CDCA2: variants seen among roughly 807,000 people sequenced by gnomAD.
CDCA2 encodes cell division cycle-associated protein 2.
In CDCA2, 44 loss-of-function variants were observed where a neutral mutation model predicts 67.0. That is an observed-to-expected ratio of 0.66 (90% CI 0.52 to 0.84). The LOEUF is 0.84. Ranked by LOEUF, CDCA2 falls within the 40% of genes least tolerant of loss-of-function variation. The probability of loss-of-function intolerance (pLI) is 0.00; values close to 1 mark genes in which losing one functional copy is unlikely to be tolerated. For synonymous variants in CDCA2, 447 were observed against 418.7 expected (o/e 1.07, Z -0.82); for missense variants, 1,253 against 1,203.2 (o/e 1.04, Z -0.61).
chr8:25,465,008 C>T (rs1253552491), intron 4 of CDCA2, among the ~76,000 whole-genome samples: 1 of 152,142 alleles, frequency 6.6e-6, no homozygotes, highest in Non-Finnish European at 1.5e-5. Flanking sequence ...AAGCCTTGCT[C>T]TGTTACGCAG....
At chr8:25,488,834 T>G in intron 13 of CDCA2, 145 bp downstream of exon 13, 21 of 567,522 alleles carry the variant, frequency 3.7e-5, no homozygotes, top group East Asian at 9.2e-5. Context: ...TAGAATGGGG[T>G]GGGGGGGTTA....
At chr8:25,490,843 C>T (rs1803973815) in intron 13 of CDCA2, among the ~76,000 whole-genome samples, 2 of 152,098 alleles carry the variant, frequency 1.3e-5, no homozygotes, top group Non-Finnish European at 2.9e-5. Flanking sequence ...AGGATTTCCA[C>T]GCAGGAAAGA....
chr8:25,475,132 T>A (rs1803297709), intron 7 of CDCA2, among the ~76,000 whole-genome samples: 1 of 152,186 alleles, frequency 6.6e-6, no homozygotes, highest in South Asian at 2.1e-4. Context: ...ATCCAAACTC[T>A]GAAAATTTTT....
Position 25,487,317 on chromosome 8 carries a change from A to G in CDCA2, c.1516A>G (p.Thr506Ala). 2.5e-6 allele frequency: 4 copies of G among 1,599,196 alleles called. No homozygotes were observed. Among genetic ancestry groups the G allele is most frequent in the Non-Finnish European group, 3.4e-6 (4 of 1,167,384 alleles). ...SSPKVGRITR[T>A]SNRRNQLVSV... ...TCCTAAAGTTGGTAGAATAACAAGGACTTCTAACAGAAGAAATGTAAGTGT... is the reference window on the plus strand; with the variant it reads ...TCCTAAAGTTGGTAGAATAACAAGGGCTTCTAACAGAAGAAATGTAAGTGT... Residue 506 changes from threonine (T) to alanine (A), a missense_variant, in exon 12 of 15, where the codon ACT becomes GCT. Physicochemically the swap from Thr to Ala is moderately conservative, Grantham distance 58. Coordinates refer to ENST00000330560, the MANE Select transcript of CDCA2 (RefSeq NM_152562.4).
intron 4 of CDCA2, 38 bp from the exon 5 acceptor site, chr8:25,466,137 T>C (rs79334232): frequency 0.052 from 80,164 of 1,556,098 alleles, 2,521 homozygotes; most frequent in South Asian, 0.098. Context: ...AAGTATGAAT[T>C]GATTATAATA....
In CDCA2 at chr8:25,469,938, G is replaced by A. The variant is rs1803083876; in HGVS notation, c.778G>A (p.Glu260Lys). The A allele has an allele frequency of 6.2e-7, 1 of 1,611,652 alleles. No homozygotes were observed. ...LGSTQSGFLV[E>K]ESLPLSELTE... ...TTCAACACAGTCTGGATTTTTAGTT[G>A]AAGAGTCTCTTCCCCTTTCAGAGCT... is the stretch of plus-strand genomic sequence containing the variant. The change falls in exon 7 of 15, where the codon GAA (glutamate) becomes AAA (lysine). Residue 260 changes from glutamate (E) to lysine (K), a missense_variant. By Grantham distance (56) the Glu-to-Lys change is moderately conservative. Coordinates refer to ENST00000330560, the MANE Select transcript of CDCA2 (RefSeq NM_152562.4).
intron 7 of CDCA2, among the ~76,000 whole-genome samples, chr8:25,473,276 G>A (rs966334618): frequency 6.6e-6 from 1 of 152,110 alleles, no homozygotes; most frequent in Non-Finnish European, 1.5e-5. Context: ...CTTTTTCATT[G>A]ATGAGAATGA....
intron 6 of CDCA2, 149 bp downstream of exon 6, chr8:25,468,562 T>TGTGTGC (rs1378150629): frequency 1.3e-4 from 61 of 452,560 alleles, no homozygotes; most frequent in South Asian, 1.9e-4. Context: ...TGTGTGCGTG[T>TGTGTGC]GTGTGTGTGT....
In CDCA2 at chr8:25,460,264, C is replaced by T. The variant is rs201653606; in HGVS notation, c.25C>T (p.Pro9Ser). MDANSKDK[P>S]PETKESAMNN... ...GATGGATGCCAATTCAAAAGACAAG[C>T]CCCCTGAAACCAAGGAGTCTGCAAT... The change falls in exon 2 of 15, where the codon CCC becomes TCC. Residue 9 changes from proline (P) to serine (S), a missense_variant. Physicochemically the swap from Pro to Ser is moderately conservative, Grantham distance 74. Transcript: ENST00000330560. 18 of 1,614,126 alleles carry T rather than the reference C, an allele frequency of 1.1e-5. No homozygotes were observed. In the East Asian group the frequency reaches 3.3e-4, roughly 30 times the overall value.
chr8:25,469,025 C>T (rs79283730), intron 6 of CDCA2, among the ~76,000 whole-genome samples: 8 of 152,346 alleles, frequency 5.3e-5, no homozygotes, highest in African/African-American at 1.9e-4. Flanking sequence ...AAAAATAATA[C>T]TACTGAAGAT....
intron 11 of CDCA2, 80 bp downstream of exon 11, chr8:25,485,917 A>C: frequency 1.2e-6 from 1 of 802,516 alleles, no homozygotes; most frequent in African/African-American, 1.8e-5. Flanking sequence ...TTCTTTTAAA[A>C]ATTTCATATT....
Position 25,502,319 on chromosome 8 carries a change from T to C in CDCA2, c.1672-1054T>C, listed in dbSNP as rs532437534. Among the ~76,000 whole-genome samples the C allele has an allele frequency of 7.9e-5, 12 of 152,230 alleles. No individual in the cohort carries two copies. In the East Asian group the frequency reaches 1.3e-3, roughly 17 times the overall value. On this transcript the variant is annotated intron_variant, in intron 13 of 14. Coordinates refer to ENST00000330560, the MANE Select transcript of CDCA2 (RefSeq NM_152562.4). ...GTCTTTCTAGTATTTCAGTACAGCA[T>C]TTCCCCAAGGTCTTTTCCATATGAA...
In CDCA2 at chr8:25,487,085, A is replaced by C. The variant is rs1039863476; in HGVS notation, c.1445-161A>C. Among the ~76,000 whole-genome samples, 4 of 152,260 alleles carry C rather than the reference A, an allele frequency of 2.6e-5. No individual in the cohort carries two copies. The South Asian group carries it at 6.2e-4, about 24-fold the overall frequency. On this transcript the variant is annotated intron_variant, in intron 11 of 14. Coordinates refer to ENST00000330560, the MANE Select transcript of CDCA2 (RefSeq NM_152562.4). ...TAAACTTAAAATTTTTTAAAACAAA[A>C]AAAAAAAATTGGATTTCAAAATTTC...
chr8:25,503,123 A>C (rs935221951), intron 13 of CDCA2, among the ~76,000 whole-genome samples: 3 of 152,192 alleles, frequency 2.0e-5, no homozygotes, highest in Non-Finnish European at 2.9e-5. Context: ...CTCCACCAAA[A>C]ATACAAAATA....
At chr8:25,469,464 C>G (rs564060468) in intron 6 of CDCA2, among the ~76,000 whole-genome samples, 111 of 152,308 alleles carry the variant, frequency 7.3e-4, no homozygotes, top group African/African-American at 2.4e-3. Flanking sequence ...AATGTGTTTT[C>G]TATCCTAGCC....
At chr8:25,502,160 G>T (rs1269113105) in intron 13 of CDCA2, among the ~76,000 whole-genome samples, 2 of 152,152 alleles carry the variant, frequency 1.3e-5, no homozygotes, top group Non-Finnish European at 2.9e-5. Flanking sequence ...CTCCCAAAGT[G>T]CTGGGATTAC....
chr8:25,480,215 T>C (rs1803516111), intron 8 of CDCA2, 91 bp downstream of exon 8: 1 of 1,068,928 alleles, frequency 9.4e-7, no homozygotes, highest in Non-Finnish European at 1.3e-6. Flanking sequence ...ATCATGCTAG[T>C]TTAAAAGGAA....
intron 1 of CDCA2, 67 bp from the exon 2 acceptor site, chr8:25,460,173 G>A: frequency 6.8e-7 from 1 of 1,472,824 alleles, no homozygotes; most frequent in Non-Finnish European, 9.5e-7. Context: ...CCTGAATAAG[G>A]TACGTGATCG....
chr8:25,469,663 A>G (rs2117489755), intron 6 of CDCA2, among the ~76,000 whole-genome samples: 1 of 66,930 alleles, frequency 1.5e-5, no homozygotes. Context: ...TTTAGGATGC[A>G]GTTAATATGA....
Sources: allele counts gnomAD v4.1 joint callset (sites outside exome capture counted in the v4.1 genomes callset), GRCh38; gene constraint gnomAD v4.1.1; transcripts MANE v1.5; gene names NCBI Gene and HGNC (gene_info 2026-07-23, HGNC 2026-07-21).